Variants in SRFBP1 observed in about 807,000 individuals in gnomAD.
The protein encoded by SRFBP1 is serum response factor binding protein 1.
In SRFBP1, 47 loss-of-function variants were observed where a neutral mutation model predicts 45.5. The observed-to-expected ratio is 1.03, with a 90% CI of 0.82 to 1.32. The LOEUF (loss-of-function observed/expected upper bound fraction) is 1.32. Ranked by LOEUF, SRFBP1 falls within the 40% of genes most tolerant of loss-of-function variation. The pLI is 0.00. For missense variants in SRFBP1, 621 were observed against 484.6 expected (o/e 1.28, Z -2.64); for synonymous variants, 203 against 166.3 (o/e 1.22, Z -1.70).
downstream of SRFBP1, among the ~76,000 whole-genome samples, chr5:122,076,316 T>C (rs1005851198): frequency 6.6e-6 from 1 of 152,214 alleles, no homozygotes; most frequent in African/African-American, 2.4e-5. Context: ...CTCTGCTGTT[T>C]CCCAGCAGTA....
downstream of SRFBP1, chr5:122,077,525 A>G (rs1754673411): frequency 1.9e-6 from 3 of 1,613,652 alleles, no homozygotes; most frequent in Admixed American, 3.3e-5. The surrounding 1 kb of genome is among the most constrained non-coding windows in gnomAD (Gnocchi z 4.9). Flanking sequence ...CAGGTTACTG[A>G]GCGCAGGAAC....
At chr5:122,026,795 TGTTA>T in intron 7 of SRFBP1, 143 bp from the exon 8 acceptor site, 1 of 549,524 alleles carries the variant, frequency 1.8e-6, no homozygotes, top group Non-Finnish European at 3.1e-6. Flanking sequence ...AACTATTCCC[TGTTA>T]GACTTCAGTT....
intron 1 of SRFBP1, among the ~76,000 whole-genome samples, chr5:121,963,787 C>G (rs1027679656): frequency 4.6e-5 from 7 of 151,418 alleles, no homozygotes; most frequent in Non-Finnish European, 2.9e-5. Flanking sequence ...CTAGTGTGTT[C>G]TAATGTGAAG....
In SRFBP1 at chr5:121,978,495, C is replaced by CT. The variant is rs757965064; in HGVS notation, c.198+3118dup. ...TACACAGTAGCCTATATCTGTATTTCTTTTTTTTTTACTTGAGATGGAGTC... is the reference window on the plus strand; with the variant it reads ...TACACAGTAGCCTATATCTGTATTTCTTTTTTTTTTTACTTGAGATGGAGTC... On this transcript the variant is annotated intron_variant, in intron 3 of 7. Coordinates refer to ENST00000339397, the MANE Select transcript of SRFBP1 (RefSeq NM_152546.3). Among the ~76,000 whole-genome samples, 37 of 149,684 alleles carry CT rather than the reference C, an allele frequency of 2.5e-4. No homozygotes were observed. In the East Asian group the frequency reaches 2.9e-3, roughly 12 times the overall value.
chr5:122,043,031 C>A (rs1383075807), intron 2 of SRFBP1, among the ~76,000 whole-genome samples: 2 of 151,982 alleles, frequency 1.3e-5, no homozygotes, highest in African/African-American at 2.4e-5. Flanking sequence ...TTACCAGTTT[C>A]TGTGTTCATC....
rs1180864353 is a variant in SRFBP1 at position 121,981,485 on chromosome 5, C to T, written c.198+6098C>T. ...TGGGACTTCTTCCCTGAATGATATA[C>T]AAGACCCTTTGTGATCTGTACTCTG... On this transcript the variant is annotated intron_variant, in intron 3 of 7. Transcript: ENST00000339397. 2.7e-5 allele frequency among the ~76,000 whole-genome samples: 4 copies of T among 148,204 alleles called. No homozygotes were observed. The South Asian group carries it at 6.7e-4, about 25-fold the overall frequency.
At chr5:122,049,444 A>T (rs1008597233) in intron 2 of SRFBP1, among the ~76,000 whole-genome samples, 1 of 152,156 alleles carries the variant, frequency 6.6e-6, no homozygotes, top group Non-Finnish European at 1.5e-5. Context: ...TTAACACCCC[A>T]CTGTCAACAT....
intron 4 of SRFBP1, among the ~76,000 whole-genome samples, chr5:122,001,603 G>A (rs536935008): frequency 3.0e-4 from 42 of 138,272 alleles, no homozygotes; most frequent in Admixed American, 2.9e-3. Flanking sequence ...CGCCCAGGCC[G>A]GACTGCGGAT....
chr5:121,997,244 A>T lies in SRFBP1; in HGVS notation c.270+2574A>T, dbSNP rs890773238. ...CCAAAAGAACAAAGCTGGAGGCATC[A>T]CACTACCTGACTTCAAACTATACTA... is the stretch of plus-strand genomic sequence containing the variant. On this transcript the variant is annotated intron_variant, in intron 4 of 7. Transcript: ENST00000339397. 4.5e-4 allele frequency among the ~76,000 whole-genome samples: 67 copies of T among 149,028 alleles called. 1 individual carries two copies. Among genetic ancestry groups the T allele is most frequent in the African/African-American group, 1.6e-3 (65 of 40,080 alleles).
intron 3 of SRFBP1, among the ~76,000 whole-genome samples, chr5:121,976,577 A>G (rs1752307599): frequency 6.6e-6 from 1 of 151,658 alleles, no homozygotes; most frequent in African/African-American, 2.4e-5. Context: ...CTTTCTCTTA[A>G]CCAAGGTTCT....
chr5:122,040,849 A>G (rs1461180774), intron 2 of SRFBP1, among the ~76,000 whole-genome samples: 2 of 152,144 alleles, frequency 1.3e-5, no homozygotes, highest in Non-Finnish European at 2.9e-5. Flanking sequence ...CTCTGTTCAA[A>G]GGTCATCTTG....
At chr5:122,070,020 C>G (rs574685251) in intron 2 of SRFBP1, 1 of 1,444,852 alleles carries the variant, frequency 6.9e-7, no homozygotes, top group African/African-American at 1.4e-5. Flanking sequence ...TTATTTGTGA[C>G]AACAATTACT....
chr5:121,984,242 G>A (rs952386000), intron 3 of SRFBP1, among the ~76,000 whole-genome samples: 5 of 151,782 alleles, frequency 3.3e-5, no homozygotes, highest in African/African-American at 1.2e-4. Context: ...TGTATGATTG[G>A]AGAAAGCTCC....
At chr5:121,971,524 A>C (rs1231514038) in intron 1 of SRFBP1, among the ~76,000 whole-genome samples, 2 of 151,952 alleles carry the variant, frequency 1.3e-5, no homozygotes, top group Non-Finnish European at 2.9e-5. Context: ...TTTTGAGCGC[A>C]CTCAGAAAGA....
At chr5:122,069,031 G>A (rs1293294609) in intron 2 of SRFBP1, among the ~76,000 whole-genome samples, 1 of 152,116 alleles carries the variant, frequency 6.6e-6, no homozygotes, top group Non-Finnish European at 1.5e-5. Context: ...TCAGAAGAAT[G>A]TATGTGACTC....
chr5:122,060,133 G>A (rs1459938135), intron 2 of SRFBP1, among the ~76,000 whole-genome samples: 1 of 152,068 alleles, frequency 6.6e-6, no homozygotes, highest in Non-Finnish European at 1.5e-5. Context: ...TGCAAACGGG[G>A]AGGAAAGTAA....
In SRFBP1 at chr5:122,074,195, G is replaced by T. The variant is rs983534094; in HGVS notation, n.312-1120G>T. The stretch of plus-strand genomic sequence containing the variant: ...CTGATGTCCCACAAAACAAAAAGAT[G>T]GTGGTCAGTTACATACAGAGAAAGC... On this transcript the variant is annotated intron_variant and non_coding_transcript_variant, in intron 2 of 2. Transcript: ENST00000504881. The T allele has an allele frequency of 6.2e-6, 10 of 1,603,982 alleles. No individual in the cohort carries two copies. In the Admixed American group the frequency reaches 1.7e-4, roughly 27 times the overall value.
intron 3 of SRFBP1, among the ~76,000 whole-genome samples, chr5:121,976,785 A>G (rs1014694549): frequency 2.7e-5 from 4 of 150,772 alleles, no homozygotes; most frequent in African/African-American, 4.8e-5. Flanking sequence ...TACACATACA[A>G]TGTATAGTTG....
In SRFBP1 at chr5:122,022,722, C is replaced by G. The variant is rs1208542607; in HGVS notation, c.1105+315C>G. On this transcript the variant is annotated intron_variant, in intron 7 of 7. Coordinates refer to ENST00000339397, the MANE Select transcript of SRFBP1 (RefSeq NM_152546.3). ...TCTTAATTATTAGTGATCCTAAACG[C>G]TAATGCCATGCCGTTAAACATTGAA... is the stretch of plus-strand genomic sequence containing the variant. 3.9e-5 allele frequency among the ~76,000 whole-genome samples: 6 copies of G among 152,290 alleles called. No homozygotes were observed. In the East Asian group the frequency reaches 7.7e-4, roughly 20 times the overall value.
Sources: gnomAD v4.1 joint callset for allele counts (sites outside exome capture counted in the v4.1 genomes callset) on GRCh38, gnomAD v4.1.1 for gene constraint, Gnocchi (gnomAD v3.1) non-coding constraint, MANE v1.5 for transcripts, NCBI Gene and HGNC (gene_info 2026-07-23, HGNC 2026-07-21) for gene names.